Variants in OPA1 observed in about 807,000 individuals in gnomAD.
OPA1 encodes the protein OPA1 mitochondrial dynamin like GTPase, also known as dynamin-like GTPase OPA1, mitochondrial.
Under a neutral mutation model 152.9 loss-of-function variants are expected in OPA1, and 59 were observed. The observed-to-expected ratio is 0.39, with a 90% confidence interval of 0.31 to 0.48. The LOEUF (loss-of-function observed/expected upper bound fraction) is 0.48, where lower values mean the gene tolerates loss of function less well. Ranked by LOEUF, OPA1 falls within the 20% of genes least tolerant of loss-of-function variation. The probability of loss-of-function intolerance (pLI) is 0.96; values close to 1 mark genes in which losing one functional copy is unlikely to be tolerated. For missense variants in OPA1, 1,008 were observed against 1,216.8 expected (o/e 0.83, Z 2.55); for synonymous variants, 400 against 389.9 (o/e 1.03, Z -0.31).
intron 7 of OPA1, among the ~76,000 whole-genome samples, chr3:193,626,851 G>A (rs1044351583): frequency 1.3e-5 from 2 of 152,118 alleles, no homozygotes; most frequent in African/African-American, 2.4e-5. Context: ...TCTAATAAAA[G>A]CTTAAGTGTA....
At chr3:193,596,197 CTTTTTTTT>C in intron 1 of OPA1, among the ~76,000 whole-genome samples, 1 of 106,562 alleles carries the variant, frequency 9.4e-6, no homozygotes, top group Admixed American at 1.0e-4. Context: ...TGTTTTTCAC[CTTTTTTTT>C]TTTTTTTTTT....
chr3:193,620,249 A>G (rs1382039032), intron 6 of OPA1, among the ~76,000 whole-genome samples: 1 of 152,130 alleles, frequency 6.6e-6, no homozygotes, highest in Non-Finnish European at 1.5e-5. Flanking sequence ...TGTTTGCCAG[A>G]TTGGTTAGGA....
intron 8 of OPA1, among the ~76,000 whole-genome samples, chr3:193,634,394 CA>C (rs1344837191): frequency 6.6e-6 from 1 of 151,696 alleles, no homozygotes; most frequent in Non-Finnish European, 1.5e-5. Flanking sequence ...TGCTTGGCTA[CA>C]CATTTTCCTT....
intron 29 of OPA1, among the ~76,000 whole-genome samples, chr3:193,684,089 C>T (rs1239971031): frequency 6.6e-6 from 1 of 152,098 alleles, no homozygotes; most frequent in Non-Finnish European, 1.5e-5. Flanking sequence ...CTTCTTCGTA[C>T]GCACAACTGA....
intron 1 of OPA1, among the ~76,000 whole-genome samples, chr3:193,604,785 A>C (rs558448408): frequency 1.6e-4 from 24 of 149,406 alleles, no homozygotes; most frequent in African/African-American, 5.2e-4. Context: ...GCTTGAACCC[A>C]GGAGGCAGAG....
chr3:193,653,959 A>G (rs879652573), intron 21 of OPA1, among the ~76,000 whole-genome samples: 3 of 152,206 alleles, frequency 2.0e-5, no homozygotes, highest in Non-Finnish European at 4.4e-5. Flanking sequence ...GCTAGTGGAA[A>G]TGTAAACTGA....
At chr3:193,668,430 T>C in intron 29 of OPA1, 2 of 1,550,716 alleles carry the variant, frequency 1.3e-6, no homozygotes, top group Non-Finnish European at 1.7e-6. Context: ...CGTGCCAGGT[T>C]GCTCTTCGTC....
intron 1 of OPA1, among the ~76,000 whole-genome samples, chr3:193,605,603 C>T (rs1211134689): frequency 3.9e-5 from 6 of 152,120 alleles, no homozygotes; most frequent in Admixed American, 6.5e-5. Context: ...GCTTGAGTTT[C>T]GATCTTATCA....
chr3:193,641,856 T>G (rs995420885), intron 11 of OPA1, among the ~76,000 whole-genome samples: 6 of 152,248 alleles, frequency 3.9e-5, no homozygotes, highest in African/African-American at 1.4e-4. Flanking sequence ...GGCTCATGCC[T>G]GTAATCCCAG....
chr3:193,623,938 C>T (rs1028761493), intron 6 of OPA1, among the ~76,000 whole-genome samples: 3 of 152,098 alleles, frequency 2.0e-5, no homozygotes, highest in Admixed American at 6.5e-5. Context: ...ATGTCTAATT[C>T]TTGTTTTCTT....
intron 9 of OPA1, 34 bp downstream of exon 9, chr3:193,635,556 T>G: frequency 2.3e-6 from 3 of 1,283,540 alleles, no homozygotes; most frequent in South Asian, 1.2e-5. Flanking sequence ...TTCTCAAAAT[T>G]TTACCGCTTA....
chr3:193,677,075 A>T (rs1719262243), intron 29 of OPA1, among the ~76,000 whole-genome samples: 2 of 151,652 alleles, frequency 1.3e-5, no homozygotes, highest in South Asian at 2.1e-4. Context: ...AATATTATAC[A>T]TGCTGCTGGT....
At chr3:193,627,084 C>G (rs1577197864) in intron 7 of OPA1, 1 of 152,104 alleles carries the variant, frequency 6.6e-6, no homozygotes, top group South Asian at 2.1e-4. Flanking sequence ...TATACAAATG[C>G]TAGTCAGGAA....
intron 6 of OPA1, among the ~76,000 whole-genome samples, chr3:193,625,530 A>G (rs1173957677): frequency 2.0e-5 from 3 of 152,132 alleles, no homozygotes; most frequent in African/African-American, 4.8e-5. Context: ...TTAAATAAAG[A>G]ACCCCAAATT....
intron 29 of OPA1, among the ~76,000 whole-genome samples, chr3:193,677,305 T>C (rs1577372569): frequency 6.7e-6 from 1 of 149,872 alleles, no homozygotes. Flanking sequence ...TTTTTTTTTT[T>C]TTTTCTTTAG....
chr3:193,611,731 T>C (rs1728279352), intron 1 of OPA1, among the ~76,000 whole-genome samples: 1 of 152,124 alleles, frequency 6.6e-6, no homozygotes, highest in African/African-American at 2.4e-5. Flanking sequence ...GTAAAGCAGT[T>C]AATGCTGTTT....
chr3:193,598,064 G>A (rs1393313840), intron 1 of OPA1, among the ~76,000 whole-genome samples: 1 of 152,124 alleles, frequency 6.6e-6, no homozygotes, highest in Non-Finnish European at 1.5e-5. Context: ...TTGGGCAACA[G>A]AGCAAGACTT....
intron 23 of OPA1, among the ~76,000 whole-genome samples, chr3:193,658,532 C>T (rs1714475130): frequency 6.6e-6 from 1 of 152,134 alleles, no homozygotes; most frequent in African/African-American, 2.4e-5. Context: ...AAGCGATGAA[C>T]ATGATCTGAA....
chr3:193,645,696 T>G (rs552017934), intron 17 of OPA1, 32 bp from the exon 18 acceptor site: 73 of 1,606,534 alleles, frequency 4.5e-5, no homozygotes, highest in Non-Finnish European at 5.9e-5. Context: ...AGTAATTTTC[T>G]TGATGAAAAT....
Sources: gnomAD v4.1 joint callset for allele counts (sites outside exome capture counted in the v4.1 genomes callset) on GRCh38, gnomAD v4.1.1 for gene constraint, MANE v1.5 for transcripts, NCBI Gene and HGNC (gene_info 2026-07-23, HGNC 2026-07-21) for gene names.